PCDHGA1: variants seen among roughly 807,000 people sequenced by gnomAD.
The protein encoded by PCDHGA1 is protocadherin gamma-A1.
PCDHGA1 carries 32 observed loss-of-function variants against 58.0 expected under a neutral mutation model. The ratio of observed to expected loss-of-function variants is 0.55; its 90% CI spans 0.42 to 0.74. The LOEUF (loss-of-function observed/expected upper bound fraction) is 0.74. Among genes scored for constraint, PCDHGA1 ranks in the 30% least tolerant of loss-of-function variants. The probability of loss-of-function intolerance (pLI) is 0.00; values close to 1 mark genes in which losing one functional copy is unlikely to be tolerated. For synonymous variants in PCDHGA1, 498 were observed against 501.1 expected (o/e 0.99, Z 0.08); for missense variants, 1,205 against 1,182.3 (o/e 1.02, Z -0.28).
intron 1 of PCDHGA1, among the ~76,000 whole-genome samples, chr5:141,386,558 G>A (rs931142144): frequency 6.6e-5 from 10 of 151,826 alleles, no homozygotes; most frequent in African/African-American, 2.4e-4. Flanking sequence ...GTAGTATTTT[G>A]CACATGATAG....
At chr5:141,357,830 C>A in intron 1 of PCDHGA1, 1 of 667,688 alleles carries the variant, frequency 1.5e-6, no homozygotes, top group Non-Finnish European at 2.4e-6. Context: ...TTTTGGTCTT[C>A]ATTCAGTTGT....
intron 1 of PCDHGA1, chr5:141,340,796 C>G (rs1229186168): frequency 6.2e-7 from 1 of 1,613,768 alleles, no homozygotes; most frequent in Non-Finnish European, 8.5e-7. Context: ...TTACCACCTG[C>G]TCAAGGCCAG....
Position 141,511,995 on chromosome 5 carries a change from A to G in PCDHGA1, c.*822A>G, listed in dbSNP as rs1049905198. The G allele has an allele frequency of 1.3e-5, 2 of 153,074 alleles. No homozygotes were observed. The highest frequency in any genetic ancestry group is 4.8e-5 in the African/African-American group (2 of 41,464). The allele number at this position is 153,074 out of a possible 1,614,324, so 9.5% of individuals were successfully genotyped here. On this transcript the variant is annotated 3_prime_UTR_variant, in exon 4 of 4. Transcript: ENST00000517417. The stretch of plus-strand genomic sequence containing the variant: ...GGATGTGGATGGTGGGGGCATGGAC[A>G]AAGCTTGACACATCAAGTTATCAAG...
chr5:141,511,450 C>A lies in PCDHGA1; in HGVS notation c.*277C>A. Reference sequence around the variant, plus strand: ...TGGGGTTACTGTAGACACCAAGAACCATTTGCCACACCCCGTTTAGTTACA... The same window carrying A: ...TGGGGTTACTGTAGACACCAAGAACAATTTGCCACACCCCGTTTAGTTACA... On this transcript the variant is annotated 3_prime_UTR_variant, in exon 4 of 4. Transcript: ENST00000517417. The A allele has an allele frequency of 3.3e-6, 2 of 615,088 alleles. No homozygotes were observed. The highest frequency in any genetic ancestry group is 6.8e-5 in the East Asian group (2 of 29,272). The allele number at this position is 615,088 out of a possible 1,614,324, so 38.1% of individuals were successfully genotyped here.
intron 1 of PCDHGA1, chr5:141,370,414 G>A (rs1479510412): frequency 6.4e-7 from 1 of 1,568,570 alleles, no homozygotes; most frequent in Non-Finnish European, 8.6e-7. Flanking sequence ...AGCTCCGGAT[G>A]GAGGGGCCCA....
chr5:141,364,882 C>T (rs199576947), intron 1 of PCDHGA1: 2 of 1,613,962 alleles, frequency 1.2e-6, no homozygotes, highest in African/African-American at 1.3e-5. Context: ...ATGTGGTAAG[C>T]GGAACTGATG....
intron 1 of PCDHGA1, among the ~76,000 whole-genome samples, chr5:141,452,300 T>C (rs886540131): frequency 2.0e-5 from 3 of 152,194 alleles, no homozygotes; most frequent in African/African-American, 7.2e-5. Flanking sequence ...TAAGAAAATA[T>C]TAGAGACTCA....
intron 1 of PCDHGA1, chr5:141,428,207 T>G (rs1213295979): frequency 7.6e-7 from 1 of 1,308,340 alleles, no homozygotes; most frequent in African/African-American, 1.4e-5. Context: ...GCCGCTACGC[T>G]TCACCTAGTC....
chr5:141,355,207 G>A lies in PCDHGA1; in HGVS notation c.2421+22102G>A, dbSNP rs764438862. ...ACTCCGCGGCGGGGTTGTAATGGCG[G>A]CGCCTCCTGCTCGCCCAGACCACAC... On this transcript the variant is annotated intron_variant, in intron 1 of 3. Transcript: ENST00000517417. The A allele has an allele frequency of 3.4e-5, 55 of 1,598,704 alleles. No individual in the cohort carries two copies. The highest frequency in any genetic ancestry group is 1.7e-5 in the Non-Finnish European group (20 of 1,171,260).
rs999687684 is a variant in PCDHGA1, at chr5:141,431,598, C to T, written c.2422-63209C>T. 1 of 1,614,192 alleles carries T rather than the reference C, an allele frequency of 6.2e-7. No homozygotes were observed. The highest frequency in any genetic ancestry group is 8.5e-7 in the Non-Finnish European group (1 of 1,180,046). ...GGAGTCAATGCGGAAGTGAGGTATT[C>T]CTTCCGGTATGTGGACGACAAGGCG... is the stretch of plus-strand genomic sequence containing the variant. On this transcript the variant is annotated intron_variant, in intron 1 of 3. Coordinates refer to ENST00000517417, the MANE Select transcript of PCDHGA1 (RefSeq NM_018912.3). This position sits in a 1 kb window ranked among gnomAD's most constrained non-coding sequence, Gnocchi z 4.8.
At chr5:141,346,874 C>T (rs922765948) in intron 1 of PCDHGA1, among the ~76,000 whole-genome samples, 1 of 152,174 alleles carries the variant, frequency 6.6e-6, no homozygotes, top group African/African-American at 2.4e-5. Context: ...GTTTGTCATT[C>T]CAACCTGTAT....
chr5:141,482,591 A>G lies in PCDHGA1; in HGVS notation c.2422-12216A>G, dbSNP rs115650612. Among the ~76,000 whole-genome samples the G allele has an allele frequency of 6.3e-4, 95 of 151,838 alleles. 1 individual carries two copies. The highest frequency in any genetic ancestry group is 2.3e-3 in the African/African-American group (95 of 41,350). On this transcript the variant is annotated intron_variant, in intron 1 of 3. Coordinates refer to ENST00000517417, the MANE Select transcript of PCDHGA1 (RefSeq NM_018912.3). ...ATAGCATAAGATGCAGTGGGACCAA[A>G]CGGGAAAAAACACCTAAATGAGCCT...
intron 1 of PCDHGA1, chr5:141,418,003 G>T (rs1441842557): frequency 6.2e-7 from 1 of 1,613,798 alleles, no homozygotes; most frequent in Non-Finnish European, 8.5e-7. Context: ...CGGTGGTGGG[G>T]AACCTCGCTA....
chr5:141,489,666 C>A lies in PCDHGA1; in HGVS notation c.2422-5141C>A. On this transcript the variant is annotated intron_variant, in intron 1 of 3. Transcript: ENST00000517417. The surrounding 1 kb of genome is among the most constrained non-coding windows in gnomAD (Gnocchi z 4.5). ...CCACCCCTGAGCGAGAGATGCGCAT[C>A]TCAGAATCAGCAGCATCTGGGGCAC... 1.2e-6 allele frequency: 2 copies of A among 1,614,222 alleles called. No homozygotes were observed. Among genetic ancestry groups the A allele is most frequent in the Non-Finnish European group, 1.7e-6 (2 of 1,180,036 alleles).
Position 141,332,168 on chromosome 5 carries a change from C to T in PCDHGA1, c.1484C>T (p.Thr495Ile), listed in dbSNP as rs748939925. The change falls in exon 1 of 4, where the codon ACT (threonine) becomes ATT (isoleucine). Residue 495 changes from threonine to isoleucine, a missense_variant. Physicochemically the swap from Thr to Ile is moderately conservative, Grantham distance 89. Coordinates refer to ENST00000517417, the MANE Select transcript of PCDHGA1 (RefSeq NM_018912.3). This position sits in a 1 kb window ranked among gnomAD's most constrained non-coding sequence, Gnocchi z 4.6. Reference protein sequence around the residue: ...AQITYSLIEDTIQGAPLSAYL... With the variant: ...AQITYSLIEDIIQGAPLSAYL... The stretch of plus-strand genomic sequence containing the variant: ...ATCACTTACTCCCTAATAGAGGACA[C>T]TATCCAGGGGGCACCCCTATCTGCC... 6.2e-7 allele frequency: 1 copy of T among 1,614,230 alleles called. No individual in the cohort carries two copies. Among genetic ancestry groups the T allele is most frequent in the Non-Finnish European group, 8.5e-7 (1 of 1,180,044 alleles).
At chr5:141,381,826 C>CTTTTTTTTTTTTT (rs770630741) in intron 1 of PCDHGA1, among the ~76,000 whole-genome samples, 10 of 74,294 alleles carry the variant, frequency 1.3e-4, no homozygotes, top group Non-Finnish European at 1.9e-4. Context: ...CTTTCTTCTT[C>CTTTTTTTTTTTTT]TTTTTTTTTT....
intron 1 of PCDHGA1, chr5:141,361,177 A>G (rs561630104): frequency 6.2e-7 from 1 of 1,613,966 alleles, no homozygotes; most frequent in Non-Finnish European, 8.5e-7. Context: ...ACCTGAAGTT[A>G]TTGTGACTTC....
chr5:141,358,349 G>GT (rs1258884225), intron 1 of PCDHGA1, among the ~76,000 whole-genome samples: 2 of 152,164 alleles, frequency 1.3e-5, no homozygotes, highest in Non-Finnish European at 2.9e-5. Flanking sequence ...TGGACTGAGG[G>GT]TTTTTTAATT....
At chr5:141,390,596 C>T (rs2092187528) in intron 1 of PCDHGA1, 1 of 329,834 alleles carries the variant, frequency 3.0e-6, no homozygotes. Context: ...GAGATTTTTC[C>T]TATACATTTT....
Sources: gnomAD v4.1 joint callset for allele counts (sites outside exome capture counted in the v4.1 genomes callset) on GRCh38, gnomAD v4.1.1 for gene constraint, Gnocchi (gnomAD v3.1) non-coding constraint, MANE v1.5 for transcripts, NCBI Gene and HGNC (gene_info 2026-07-23, HGNC 2026-07-21) for gene names.